Variants in DRD2 observed in about 807,000 individuals in gnomAD.
DRD2 encodes D(2) dopamine receptor.
A neutral mutation model predicts 38.0 loss-of-function variants in DRD2; 8 were observed. The observed-to-expected ratio is 0.21, with a 90% CI of 0.12 to 0.38. The LOEUF (loss-of-function observed/expected upper bound fraction) is 0.38, where lower values mean the gene tolerates loss of function less well. Among genes scored for constraint, DRD2 ranks in the 10% least tolerant of loss-of-function variants. The pLI, the probability that DRD2 is intolerant of heterozygous loss-of-function variation, is 1.00. For synonymous variants in DRD2, 230 were observed against 238.6 expected, an observed-to-expected ratio of 0.96 and a Z score of 0.33; for missense variants, 403 against 607.7, an observed-to-expected ratio of 0.66 and a Z score of 3.54.
At chr11:113,445,566 G>C (rs1235739697) in intron 1 of DRD2, among the ~76,000 whole-genome samples, 2 of 152,206 alleles carry the variant, frequency 1.3e-5, no homozygotes, top group African/African-American at 4.8e-5. Context: ...TCCAGGCAAA[G>C]GGGAGGGTCC....
At chr11:113,470,515 G>A (rs1951414402) in intron 1 of DRD2, among the ~76,000 whole-genome samples, 1 of 152,184 alleles carries the variant, frequency 6.6e-6, no homozygotes, top group Non-Finnish European at 1.5e-5. Context: ...GAGGGCTGCA[G>A]GGGAAACCAG....
At chr11:113,455,486 G>A (rs946155724) in intron 1 of DRD2, among the ~76,000 whole-genome samples, 13 of 152,066 alleles carry the variant, frequency 8.5e-5, no homozygotes, top group African/African-American at 2.2e-4. Flanking sequence ...ATGTTTCTAC[G>A]TAGTGAAGGA....
intron 1 of DRD2, among the ~76,000 whole-genome samples, chr11:113,450,314 T>C (rs1354651694): frequency 6.6e-6 from 1 of 152,216 alleles, no homozygotes; most frequent in South Asian, 2.1e-4. Context: ...ACAACATTGT[T>C]GTGCTTTTTG....
chr11:113,458,594 G>C (rs1031936509), intron 1 of DRD2, among the ~76,000 whole-genome samples: 1 of 152,152 alleles, frequency 6.6e-6, no homozygotes, highest in African/African-American at 2.4e-5. Context: ...AAAAATGCTG[G>C]TCCACCACAA....
intron 1 of DRD2, among the ~76,000 whole-genome samples, chr11:113,430,328 C>G (rs1440262013): frequency 6.6e-6 from 1 of 152,170 alleles, no homozygotes; most frequent in East Asian, 1.9e-4. Flanking sequence ...TTCATAGACT[C>G]TAAGACAAAA....
At chr11:113,445,596 A>G (rs1951139728) in intron 1 of DRD2, among the ~76,000 whole-genome samples, 1 of 152,214 alleles carries the variant, frequency 6.6e-6, no homozygotes, top group South Asian at 2.1e-4. Flanking sequence ...TCACCCTTGG[A>G]TGGAGCAAAT....
chr11:113,428,472 C>A (rs1261815679), intron 1 of DRD2, among the ~76,000 whole-genome samples: 1 of 152,156 alleles, frequency 6.6e-6, no homozygotes, highest in African/African-American at 2.4e-5. Flanking sequence ...GCCAACACTC[C>A]CAGTAGATGG....
chr11:113,425,869 T>A (rs1273925016), intron 1 of DRD2, among the ~76,000 whole-genome samples: 1 of 152,128 alleles, frequency 6.6e-6, no homozygotes, highest in East Asian at 1.9e-4. Context: ...CAATTCTGTT[T>A]GGCCAAAAAT....
At chr11:113,421,985 T>C (rs1361837983) in intron 2 of DRD2, among the ~76,000 whole-genome samples, 1 of 152,128 alleles carries the variant, frequency 6.6e-6, no homozygotes, top group Non-Finnish European at 1.5e-5. Flanking sequence ...AAAGGATCTG[T>C]TCGAAAGACT....
intron 1 of DRD2, among the ~76,000 whole-genome samples, chr11:113,465,269 T>C (rs1370283456): frequency 5.3e-5 from 8 of 152,148 alleles, no homozygotes; most frequent in Admixed American, 4.6e-4. Context: ...TCCGGCTAAG[T>C]TTTGTAGTAG....
chr11:113,414,554 G>A, intron 5 of DRD2, 93 bp from the exon 6 acceptor site: 1 of 1,313,286 alleles, frequency 7.6e-7, no homozygotes, highest in Non-Finnish European at 1.1e-6. Context: ...AACTCAGACT[G>A]GGCAGAAGGG....
rs1311242519 is a variant in DRD2 at position 113,410,397 on chromosome 11, G to A, written c.*330C>T. 1.0e-5 allele frequency: 5 copies of A among 481,326 alleles called. No individual in the cohort carries two copies. The highest frequency in any genetic ancestry group is 1.9e-5 in the Non-Finnish European group (5 of 261,504). The allele number at this position is 481,326 out of a possible 1,614,324, so 29.8% of individuals were successfully genotyped here. On this transcript the variant is annotated 3_prime_UTR_variant, in exon 8 of 8. Coordinates refer to ENST00000362072, the MANE Select transcript of DRD2 (RefSeq NM_000795.4). ...CCTGACTCAGGCTCCAGCAACCCTA[G>A]AGCCCCAGAGGAAGGTCAAGGAAGG...
chr11:113,422,758 G>A lies in DRD2; in HGVS notation c.285+1609C>T, dbSNP rs145726891. Among the ~76,000 whole-genome samples the A allele has an allele frequency of 2.6e-5, 4 of 152,218 alleles. No homozygotes were observed. The South Asian group carries it at 6.2e-4, about 24-fold the overall frequency. ...CGGGGTGGTGGTGAGAACAGTAAGC[G>A]CACGAGCCCCTTGGGGGCCCAGGGA... On this transcript the variant is annotated intron_variant, in intron 2 of 7. Transcript: ENST00000362072.
chr11:113,471,514 G>A (rs549821302), intron 1 of DRD2, among the ~76,000 whole-genome samples: 1 of 152,260 alleles, frequency 6.6e-6, no homozygotes, highest in South Asian at 2.1e-4. Flanking sequence ...CTAAGTAAGA[G>A]GCTACCTACA....
chr11:113,468,909 G>C (rs2120000618), intron 1 of DRD2, among the ~76,000 whole-genome samples: 1 of 152,292 alleles, frequency 6.6e-6, no homozygotes, highest in African/African-American at 2.4e-5. Context: ...CAGGATCCCA[G>C]GCCATCCCGC....
Position 113,465,334 on chromosome 11 carries a change from A to G in DRD2, c.-32+9742T>C, listed in dbSNP as rs549550998. 4.6e-5 allele frequency among the ~76,000 whole-genome samples: 7 copies of G among 152,300 alleles called. No homozygotes were observed. The South Asian group carries it at 1.2e-3, about 27-fold the overall frequency. On this transcript the variant is annotated intron_variant, in intron 1 of 7. Transcript: ENST00000362072. ...AGTCTCAAACTCCTGGCCTCAAGTG[A>G]TCTGCCTGTCTTGGCCTCCCAAAAT...
intron 2 of DRD2, among the ~76,000 whole-genome samples, chr11:113,418,963 C>T (rs1950854826): frequency 6.6e-6 from 1 of 152,236 alleles, no homozygotes; most frequent in Non-Finnish European, 1.5e-5. Context: ...TTAAACTCTT[C>T]CCAATGGCAC....
intron 4 of DRD2, among the ~76,000 whole-genome samples, 181 bp from the exon 5 acceptor site, chr11:113,415,792 G>A (rs1034377260): frequency 6.6e-6 from 1 of 152,128 alleles, no homozygotes; most frequent in Non-Finnish European, 1.5e-5. Flanking sequence ...AGATACCAGA[G>A]TATTAAAAAC....
intron 1 of DRD2, among the ~76,000 whole-genome samples, chr11:113,442,995 G>A (rs1003443434): frequency 4.6e-5 from 7 of 152,130 alleles, no homozygotes; most frequent in East Asian, 1.9e-4. Flanking sequence ...TAGGGTTTGC[G>A]TGATGGGGGA....
Sources: allele counts gnomAD v4.1 joint callset (sites outside exome capture counted in the v4.1 genomes callset), GRCh38; gene constraint gnomAD v4.1.1; transcripts MANE v1.5; gene names NCBI Gene and HGNC (gene_info 2026-07-23, HGNC 2026-07-21).